The following CDH20 variants were observed in gnomAD, a reference collection of about 807,000 sequenced individuals.
CDH20 encodes the protein cadherin 20.
A neutral mutation model predicts 74.2 loss-of-function variants in CDH20; 29 were observed. The observed-to-expected ratio is 0.39, with a 90% CI of 0.29 to 0.53. The LOEUF (loss-of-function observed/expected upper bound fraction) is 0.53. Among genes scored for constraint, CDH20 ranks in the 20% least tolerant of loss-of-function variants. The probability of loss-of-function intolerance (pLI) is 0.69; values close to 1 mark genes in which losing one functional copy is unlikely to be tolerated. For missense variants in CDH20, 988 were observed against 1,048.3 expected (o/e 0.94, Z 0.79); for synonymous variants, 469 against 405.4 (o/e 1.16, Z -1.88).
At chr18:61,386,697 A>G (rs1193399343) in intron 1 of CDH20, among the ~76,000 whole-genome samples, 2 of 152,204 alleles carry the variant, frequency 1.3e-5, no homozygotes, top group Non-Finnish European at 2.9e-5. Context: ...AGAATGGTTC[A>G]ATTAATTTTA....
chr18:61,335,524 A>G (rs1179733915), intron 1 of CDH20, among the ~76,000 whole-genome samples: 5 of 152,196 alleles, frequency 3.3e-5, no homozygotes, highest in African/African-American at 1.2e-4. Context: ...GAAGTGTTAT[A>G]AATTGGAACC....
At chr18:61,502,065 A>C (rs1030050865) in intron 4 of CDH20, among the ~76,000 whole-genome samples, 2 of 152,192 alleles carry the variant, frequency 1.3e-5, no homozygotes, top group African/African-American at 4.8e-5. Flanking sequence ...AGTCCCTTCC[A>C]TTTTCATGCA....
At chr18:61,383,780 G>T (rs1911511094) in intron 1 of CDH20, among the ~76,000 whole-genome samples, 1 of 152,088 alleles carries the variant, frequency 6.6e-6, no homozygotes, top group Non-Finnish European at 1.5e-5. Flanking sequence ...CATGCCTCCA[G>T]AATTGAAAGG....
chr18:61,520,238 C>G (rs570846526), intron 6 of CDH20, among the ~76,000 whole-genome samples: 20 of 141,260 alleles, frequency 1.4e-4, no homozygotes, highest in Non-Finnish European at 2.4e-4. Context: ...ATGGCGTGAA[C>G]CTGGGAGGCG....
At chr18:61,504,607 T>C (rs572650093) in intron 5 of CDH20, among the ~76,000 whole-genome samples, 1 of 152,002 alleles carries the variant, frequency 6.6e-6, no homozygotes, top group South Asian at 2.1e-4. Flanking sequence ...AGACGTAAGT[T>C]TGAGAAGCAG....
chr18:61,349,336 A>G (rs1270071872), intron 1 of CDH20, among the ~76,000 whole-genome samples: 1 of 152,222 alleles, frequency 6.6e-6, no homozygotes, highest in African/African-American at 2.4e-5. Flanking sequence ...ATGAACTGTT[A>G]GCAGTTTGAA....
chr18:61,376,276 T>G (rs1911227658), intron 1 of CDH20, among the ~76,000 whole-genome samples: 1 of 152,086 alleles, frequency 6.6e-6, no homozygotes, highest in Non-Finnish European at 1.5e-5. Context: ...AAAAAGGAAT[T>G]AGGGTTATAT....
At chr18:61,508,605 C>G (rs927825218) in intron 6 of CDH20, among the ~76,000 whole-genome samples, 31 of 152,040 alleles carry the variant, frequency 2.0e-4, no homozygotes, top group Admixed American at 1.7e-3. Context: ...TTTCAGTGAC[C>G]TGGATGAGAT....
At chr18:61,354,458 A>G (rs1910425985) in intron 1 of CDH20, among the ~76,000 whole-genome samples, 1 of 151,946 alleles carries the variant, frequency 6.6e-6, no homozygotes, top group South Asian at 2.1e-4. Flanking sequence ...AAATACAAAA[A>G]ATTAGCCGGG....
At chr18:61,424,588 G>T (rs1033166196) in intron 1 of CDH20, among the ~76,000 whole-genome samples, 7 of 152,144 alleles carry the variant, frequency 4.6e-5, no homozygotes, top group African/African-American at 1.7e-4. Flanking sequence ...TCTAGAATTT[G>T]TATGTACTAA....
chr18:61,525,194 C>T (rs1479516442), intron 6 of CDH20, among the ~76,000 whole-genome samples: 1 of 151,872 alleles, frequency 6.6e-6, no homozygotes, highest in East Asian at 1.9e-4. Context: ...ACTGAATACA[C>T]TAGTCAAAAC....
At chr18:61,493,935 G>A (rs995242128) in intron 2 of CDH20, among the ~76,000 whole-genome samples, 2 of 152,148 alleles carry the variant, frequency 1.3e-5, no homozygotes, top group South Asian at 2.1e-4. Context: ...CCTCCCTGAC[G>A]CTGAGTACTT....
chr18:61,500,341 G>A, intron 3 of CDH20, 42 bp from the exon 4 acceptor site: 4 of 1,592,150 alleles, frequency 2.5e-6, no homozygotes, highest in Non-Finnish European at 3.4e-6. Flanking sequence ...CCAGCCTTTA[G>A]CTATTAGACT....
intron 1 of CDH20, among the ~76,000 whole-genome samples, chr18:61,382,244 G>A (rs1355193071): frequency 6.6e-6 from 1 of 152,048 alleles, no homozygotes; most frequent in African/African-American, 2.4e-5. Context: ...TCCTCCTTAA[G>A]TCTACACTTC....
At chr18:61,389,510 A>T (rs1303515385) in intron 1 of CDH20, among the ~76,000 whole-genome samples, 1 of 152,196 alleles carries the variant, frequency 6.6e-6, no homozygotes, top group Non-Finnish European at 1.5e-5. Context: ...TATAAAATGA[A>T]TTTGTATACT....
In CDH20 at chr18:61,495,341, T is replaced by C. The variant is rs73453535; in HGVS notation, c.247-3845T>C. Among the ~76,000 whole-genome samples the C allele has an allele frequency of 9.9e-3, 1,508 of 152,374 alleles. 21 individuals carry two copies. Among genetic ancestry groups the C allele is most frequent in the African/African-American group, 0.033 (1,391 of 41,590 alleles). ...ACGGCTGGTAAAGCGGAATATTAAA[T>C]GTGCATTGCTGCACGGGTTATTAAG... On this transcript the variant is annotated intron_variant, in intron 2 of 11. Coordinates refer to ENST00000262717, the MANE Select transcript of CDH20 (RefSeq NM_031891.4).
chr18:61,379,610 A>G (rs1911365144), intron 1 of CDH20, among the ~76,000 whole-genome samples: 1 of 152,244 alleles, frequency 6.6e-6, no homozygotes, highest in Non-Finnish European at 1.5e-5. Flanking sequence ...AGTTCCCAGT[A>G]TGAATCCCAA....
intron 1 of CDH20, among the ~76,000 whole-genome samples, chr18:61,412,194 T>C (rs1200712709): frequency 6.6e-6 from 1 of 152,052 alleles, no homozygotes; most frequent in Non-Finnish European, 1.5e-5. Flanking sequence ...GAAAAATATA[T>C]ACATAATTCA....
intron 6 of CDH20, among the ~76,000 whole-genome samples, chr18:61,522,812 G>A (rs1912258131): frequency 2.0e-5 from 3 of 152,118 alleles, no homozygotes; most frequent in Non-Finnish European, 4.4e-5. Context: ...CAATCAATGG[G>A]GAAAGGATTT....
Sources: allele counts gnomAD v4.1 joint callset (sites outside exome capture counted in the v4.1 genomes callset), GRCh38; gene constraint gnomAD v4.1.1; transcripts MANE v1.5; gene names NCBI Gene and HGNC (gene_info 2026-07-23, HGNC 2026-07-21).